MPDZ: variants seen among roughly 807,000 people sequenced by gnomAD.
MPDZ encodes the protein multiple PDZ domain crumbs cell polarity complex component.
Under a neutral mutation model 239.1 loss-of-function variants are expected in MPDZ, and 234 were observed. That is an observed-to-expected ratio of 0.98 (90% CI 0.88 to 1.09). The LOEUF is 1.09. Among genes scored for constraint, MPDZ ranks in the 50% least tolerant of loss-of-function variants. MPDZ has a pLI of 0.00. For missense variants in MPDZ, 3,175 were observed against 2,510.0 expected, an observed-to-expected ratio of 1.26 and a Z score of -5.66; for synonymous variants, 1,048 against 881.3, an observed-to-expected ratio of 1.19 and a Z score of -3.35.
At chr9:13,243,387 T>C (rs1479127444) in intron 3 of MPDZ, among the ~76,000 whole-genome samples, 5 of 151,816 alleles carry the variant, frequency 3.3e-5, no homozygotes, top group Admixed American at 6.6e-5. Flanking sequence ...GCTTTGCTTC[T>C]AGGAAACAAA....
Position 13,136,773 on chromosome 9 carries a change from G to A in MPDZ, c.4231C>T (p.His1411Tyr). 7 of 1,601,842 alleles carry A rather than the reference G, an allele frequency of 4.4e-6. No homozygotes were observed. The highest frequency in any genetic ancestry group is 6.0e-6 in the Non-Finnish European group (7 of 1,173,062). Residue 1411 changes from histidine to tyrosine, a missense_variant, in exon 30 of 47, where the codon CAT (histidine) becomes TAT (tyrosine). Coordinates refer to ENST00000319217, the MANE Select transcript of MPDZ (RefSeq NM_001378778.1). ...TTAATGATTGATGAGGCATTCTGATGACTTCTTCCATATAAAATCTGACCA... is the reference window on the plus strand; with the variant it reads ...TTAATGATTGATGAGGCATTCTGATAACTTCTTCCATATAAAATCTGACCA... ...INGQILYGRS[H>Y]QNASSIIKCA... is the part of the protein sequence containing the mutation.
intron 38 of MPDZ, among the ~76,000 whole-genome samples, chr9:13,120,876 T>G (rs2131576118): frequency 6.6e-6 from 1 of 152,288 alleles, no homozygotes; most frequent in South Asian, 2.1e-4. Context: ...CAAAATAAAC[T>G]TAGAGACACT....
At chr9:13,110,208 G>C in intron 44 of MPDZ, 144 bp from the exon 45 acceptor site, 2 of 651,754 alleles carry the variant, frequency 3.1e-6, no homozygotes, top group East Asian at 2.7e-5. Flanking sequence ...TACAACCAAA[G>C]AGAATGAAAT....
chr9:13,279,249 CT>C lies in MPDZ; in HGVS notation c.-58+150del, dbSNP rs1356437452. 197 of 113,136 alleles carry C rather than the reference CT, an allele frequency of 1.7e-3. 2 individuals carry two copies. Among genetic ancestry groups the C allele is most frequent in the African/African-American group, 6.4e-3 (183 of 28,478 alleles). 7.0% of individuals were successfully genotyped at this position (113,136 alleles called of 1,614,324 possible). A position where few individuals can be genotyped will look rare whatever the true frequency, so the allele number is the denominator to read the frequency against. On this transcript the variant is annotated intron_variant, in intron 1 of 46. Transcript: ENST00000319217. Reference sequence around the variant, plus strand: ...ACCGCCCCACGGCCCGCCGCCACCCCTACCCCCACCCCCACCCCCACCCCCA... The same window carrying C: ...ACCGCCCCACGGCCCGCCGCCACCCCACCCCCACCCCCACCCCCACCCCCA...
At chr9:13,236,635 C>T (rs1455949894) in intron 3 of MPDZ, among the ~76,000 whole-genome samples, 1 of 151,702 alleles carries the variant, frequency 6.6e-6, no homozygotes, top group African/African-American at 2.4e-5. Context: ...GCCTAAATGA[C>T]ACTAAAACCT....
At chr9:13,176,642 T>A (rs1358120250) in intron 19 of MPDZ, among the ~76,000 whole-genome samples, 1 of 152,196 alleles carries the variant, frequency 6.6e-6, no homozygotes, top group Non-Finnish European at 1.5e-5. Context: ...GTCATACATC[T>A]CACGTTCTAC....
At chr9:13,275,652 C>T (rs772724899) in intron 1 of MPDZ, among the ~76,000 whole-genome samples, 2 of 152,128 alleles carry the variant, frequency 1.3e-5, no homozygotes, top group Non-Finnish European at 2.9e-5. Context: ...AGAAAAAGCC[C>T]AGATTGCACT....
intron 35 of MPDZ, among the ~76,000 whole-genome samples, chr9:13,123,995 A>G (rs1450540473): frequency 6.6e-6 from 1 of 152,324 alleles, no homozygotes. Flanking sequence ...TTCACACATT[A>G]TTTTATCAGA....
chr9:13,205,133 T>C (rs551388929), intron 11 of MPDZ, 26 bp from the exon 12 acceptor site: 87 of 1,255,186 alleles, frequency 6.9e-5, no homozygotes, highest in Non-Finnish European at 8.8e-5. Flanking sequence ...ATTTTAGTAA[T>C]TTTATCTTTA....
At position 13,217,232 on chromosome 9, in the gene MPDZ, A is replaced by G; in HGVS notation, c.1149T>C (p.Asn383=). Residue 383 remains asparagine (N), a synonymous_variant, in exon 9 of 47, where the codon AAT becomes AAC. Coordinates refer to ENST00000319217, the MANE Select transcript of MPDZ (RefSeq NM_001378778.1). ...SETFDVELTK[N]VQGLGITIAG... ...CAATGGTAATTCCTAATCCTTGGAC[A>G]TTTTTAGTGAGTTCTACATCAAATG... 2 of 1,604,452 alleles carry G rather than the reference A, an allele frequency of 1.2e-6. No homozygotes were observed. The highest frequency in any genetic ancestry group is 1.7e-6 in the Non-Finnish European group (2 of 1,175,494).
At chr9:13,279,145 C>A (rs1588303186) in intron 1 of MPDZ, 1 of 151,426 alleles carries the variant, frequency 6.6e-6, no homozygotes, top group South Asian at 2.1e-4. Flanking sequence ...AACTTCTAGA[C>A]CCCATCCTTT....
At position 13,222,293 on chromosome 9, in the gene MPDZ, G is replaced by C; in HGVS notation, c.687C>G (p.Val229=). The change falls in exon 6 of 47, where the codon GTC becomes GTG. Residue 229 remains valine, a synonymous_variant. Coordinates refer to ENST00000319217, the MANE Select transcript of MPDZ (RefSeq NM_001378778.1). ...VIARGSLPQL[V]SPIVSRSPSA... ...ATGGAGAACGGGAAACTATGGGGCT[G>C]ACAAGCTGAGGCAATGAGCCTCTGG... 6.2e-7 allele frequency: 1 copy of C among 1,612,916 alleles called. No individual in the cohort carries two copies. Among genetic ancestry groups the C allele is most frequent in the African/African-American group, 1.3e-5 (1 of 74,976 alleles).
chr9:13,183,179 G>A (rs926700453), intron 19 of MPDZ, among the ~76,000 whole-genome samples: 9 of 151,976 alleles, frequency 5.9e-5, no homozygotes, highest in Non-Finnish European at 1.3e-4. Flanking sequence ...CCTAATCAAA[G>A]CTTTGAGCCT....
chr9:13,200,058 T>C (rs967788173), intron 12 of MPDZ, among the ~76,000 whole-genome samples: 2 of 152,024 alleles, frequency 1.3e-5, no homozygotes, highest in African/African-American at 4.8e-5. Flanking sequence ...GGTAGAATTC[T>C]GCAGTGAAGT....
Position 13,126,515 on chromosome 9 carries a change from C to T in MPDZ, c.4632+1G>A, listed in dbSNP as rs1945141397. ...CCATTTACTTTATTTTGGAAAATTA[C>T]CTTTTCAATAGGGTAACCAACAACA... On this transcript the variant is annotated splice_donor_variant, in intron 34 of 46. Coordinates refer to ENST00000319217, the MANE Select transcript of MPDZ (RefSeq NM_001378778.1). LOFTEE classifies it high-confidence loss of function. The T allele has an allele frequency of 5.8e-6, 9 of 1,554,548 alleles. No individual in the cohort carries two copies. The highest frequency in any genetic ancestry group is 7.8e-6 in the Non-Finnish European group (9 of 1,147,998).
intron 10 of MPDZ, among the ~76,000 whole-genome samples, chr9:13,207,555 T>C (rs1957140873): frequency 6.6e-6 from 1 of 152,240 alleles, no homozygotes. Flanking sequence ...ATAGCTTACT[T>C]AGAAAATACA....
At position 13,198,733 on chromosome 9, in the gene MPDZ, C is replaced by G. The variant is rs200240247; in HGVS notation, c.1547-2503G>C. On this transcript the variant is annotated intron_variant, in intron 12 of 46. Transcript: ENST00000319217. ...TCTTATATTTAGGTCTTTAATCTCT[C>G]TCTCTGTGTGTGTGTGTGTGTGTGT... 5.9e-4 allele frequency among the ~76,000 whole-genome samples: 53 copies of G among 89,512 alleles called. 1 individual carries two copies. The South Asian group carries it at 0.01, about 18-fold the overall frequency. The allele number at this position is 89,512 out of a possible 152,430, so 58.7% of individuals were successfully genotyped here. A position where few individuals can be genotyped will look rare whatever the true frequency, so the allele number is the denominator to read the frequency against.
chr9:13,187,598 T>C (rs1954297653), intron 17 of MPDZ, among the ~76,000 whole-genome samples: 2 of 152,172 alleles, frequency 1.3e-5, no homozygotes, highest in Non-Finnish European at 2.9e-5. Flanking sequence ...TAAATATATT[T>C]TAATAGGCTA....
At chr9:13,263,069 T>C (rs1971041071) in intron 1 of MPDZ, among the ~76,000 whole-genome samples, 1 of 152,132 alleles carries the variant, frequency 6.6e-6, no homozygotes, top group Non-Finnish European at 1.5e-5. Context: ...TTTTAAATTA[T>C]GCATGTAAAA....
Sources: gnomAD v4.1 joint callset for allele counts (sites outside exome capture counted in the v4.1 genomes callset) on GRCh38, gnomAD v4.1.1 for gene constraint, MANE v1.5 for transcripts, NCBI Gene and HGNC (gene_info 2026-07-23, HGNC 2026-07-21) for gene names.